The following RPS6KA2 variants were observed in gnomAD, a reference collection of about 807,000 sequenced individuals.
The protein encoded by RPS6KA2 is ribosomal protein S6 kinase A2.
RPS6KA2 carries 42 observed loss-of-function variants against 91.8 expected under a neutral mutation model. The observed-to-expected ratio is 0.46, with a 90% CI of 0.36 to 0.59. The LOEUF (loss-of-function observed/expected upper bound fraction) is 0.59. Ranked by LOEUF, RPS6KA2 falls within the 20% of genes least tolerant of loss-of-function variation. The pLI, the probability that RPS6KA2 is intolerant of heterozygous loss-of-function variation, is 0.00. For missense variants in RPS6KA2, 798 were observed against 978.5 expected, an observed-to-expected ratio of 0.82 and a Z score of 2.46; for synonymous variants, 414 against 393.6, an observed-to-expected ratio of 1.05 and a Z score of -0.61.
At chr6:166,569,353 G>A (rs1770596978) in intron 1 of RPS6KA2, among the ~76,000 whole-genome samples, 1 of 152,238 alleles carries the variant, frequency 6.6e-6, no homozygotes, top group Admixed American at 6.5e-5. Flanking sequence ...CGCTGTTCCT[G>A]CCCTGGCCGC....
chr6:166,440,488 T>C (rs1779485195), intron 14 of RPS6KA2: 1 of 152,230 alleles, frequency 6.6e-6, no homozygotes, highest in Non-Finnish European at 1.5e-5. Flanking sequence ...TGATTTTCCA[T>C]GTGAAAATAA....
intron 2 of RPS6KA2, among the ~76,000 whole-genome samples, chr6:166,802,099 TACACACAC>T (rs564126272): frequency 8.6e-5 from 13 of 151,190 alleles, no homozygotes; most frequent in Admixed American, 4.6e-4. Context: ...CTACTAAAAA[TACACACAC>T]ACACACAAAC....
At chr6:166,523,107 C>T (rs1176540153) in intron 3 of RPS6KA2, among the ~76,000 whole-genome samples, 4 of 152,118 alleles carry the variant, frequency 2.6e-5, no homozygotes, top group Admixed American at 2.0e-4. Flanking sequence ...TCAAGAAATG[C>T]AACTCTGGTA....
intron 2 of RPS6KA2, among the ~76,000 whole-genome samples, chr6:166,718,701 C>T (rs9295365): frequency 0.87 from 132,990 of 152,218 alleles, 58,208 homozygotes; most frequent in East Asian, 0.96. Flanking sequence ...AAATCTCACC[C>T]GCTGGTGTAA....
intron 10 of RPS6KA2, among the ~76,000 whole-genome samples, chr6:166,477,170 C>G (rs1204070430): frequency 2.0e-5 from 3 of 152,176 alleles, no homozygotes; most frequent in Non-Finnish European, 4.4e-5. Flanking sequence ...TTAATTCTGA[C>G]TGTAGCTTCT....
chr6:166,738,491 C>T (rs139700691), intron 2 of RPS6KA2, among the ~76,000 whole-genome samples: 2 of 152,252 alleles, frequency 1.3e-5, no homozygotes, highest in African/African-American at 2.4e-5. Flanking sequence ...GGACAAGGAC[C>T]GAGAATCAGG....
At chr6:166,606,251 G>A (rs1424851173) in intron 1 of RPS6KA2, among the ~76,000 whole-genome samples, 1 of 152,200 alleles carries the variant, frequency 6.6e-6, no homozygotes, top group Non-Finnish European at 1.5e-5. Context: ...GTGCTTGCAC[G>A]AGAGGTAAAA....
rs1786909252 is a variant in RPS6KA2, at chr6:166,627,008, G to A, written c.12C>T (p.Ser4=). 2.0e-6 allele frequency: 3 copies of A among 1,526,748 alleles called. No homozygotes were observed. Among genetic ancestry groups the A allele is most frequent in the African/African-American group, 1.4e-5 (1 of 70,300 alleles). The allele number at this position is 1,526,748 out of a possible 1,614,324, so 94.6% of individuals were successfully genotyped here. A position where few individuals can be genotyped will look rare whatever the true frequency, so the allele number is the denominator to read the frequency against. The change falls in exon 1 of 21, where the codon AGC becomes AGT. Residue 4 remains serine (S), a synonymous_variant. Transcript: ENST00000265678. ...ACCTGCGCACGGCGAACTTCTTCAT[G>A]CTCAGGTCCATCGCCCCGCGCCCAG... MDL[S]MKKFAVRRFF...
intron 2 of RPS6KA2, among the ~76,000 whole-genome samples, chr6:166,827,014 T>TA (rs1379273455): frequency 6.6e-6 from 1 of 151,904 alleles, no homozygotes; most frequent in Non-Finnish European, 1.5e-5. Flanking sequence ...TTAGTAAGGG[T>TA]AGGGAGGTGG....
chr6:166,710,681 C>T (rs1026172825), intron 2 of RPS6KA2, among the ~76,000 whole-genome samples: 1 of 152,126 alleles, frequency 6.6e-6, no homozygotes, highest in Non-Finnish European at 1.5e-5. Flanking sequence ...ATTCTTCCCA[C>T]TAAGTACAGT....
intron 1 of RPS6KA2, among the ~76,000 whole-genome samples, chr6:166,592,972 C>T (rs1785406070): frequency 6.6e-6 from 1 of 152,204 alleles, no homozygotes; most frequent in African/African-American, 2.4e-5. Flanking sequence ...ACAGTTCTCA[C>T]AGGAACAGGA....
chr6:166,830,125 C>CAA lies in RPS6KA2; in HGVS notation c.123+28073_123+28074dup, dbSNP rs34980248. On this transcript the variant is annotated intron_variant, in intron 2 of 21. Transcript: ENST00000503859. ...GGGCAACAAAAGCAAAACTCCATTTCAAAAAAAAAAAAAAAAGAAAGAAAG... is the reference window on the plus strand; with the variant it reads ...GGGCAACAAAAGCAAAACTCCATTTCAAAAAAAAAAAAAAAAAAGAAAGAAAG... 3.5e-3 allele frequency among the ~76,000 whole-genome samples: 353 copies of CAA among 99,552 alleles called. 5 individuals are homozygous for CAA. Among genetic ancestry groups the CAA allele is most frequent in the African/African-American group, 0.011 (252 of 23,584 alleles). 65.3% of individuals were successfully genotyped at this position (99,552 alleles called of 152,430 possible).
chr6:166,593,918 A>T (rs1785440908), intron 1 of RPS6KA2, among the ~76,000 whole-genome samples: 1 of 152,236 alleles, frequency 6.6e-6, no homozygotes, highest in African/African-American at 2.4e-5. Flanking sequence ...CTCAGGTAAC[A>T]CTATCACAAA....
rs113899578 is a variant in RPS6KA2 at position 166,802,227 on chromosome 6, G to A, written c.123+55973C>T. Among the ~76,000 whole-genome samples the A allele has an allele frequency of 4.9e-3, 732 of 150,404 alleles. 9 individuals are homozygous for A. The highest frequency in any genetic ancestry group is 0.017 in the African/African-American group (690 of 40,882). ...GGAGATTGCAGTGAGCTGACATCACGCCACTGCACTCCAGCCTGGGCAACA... is the reference window on the plus strand; with the variant it reads ...GGAGATTGCAGTGAGCTGACATCACACCACTGCACTCCAGCCTGGGCAACA... On this transcript the variant is annotated intron_variant, in intron 2 of 21. Coordinates refer to the RPS6KA2 transcript ENST00000503859.
At position 166,486,879 on chromosome 6, in the gene RPS6KA2, C is replaced by T. The variant is rs114304094; in HGVS notation, c.907+1954G>A. Reference sequence around the variant, plus strand: ...TCATCACGGGGTGGGGGTGGGGATGCGCTAAACAGCCTCAATGCATGGCGC... The same window carrying T: ...TCATCACGGGGTGGGGGTGGGGATGTGCTAAACAGCCTCAATGCATGGCGC... On this transcript the variant is annotated intron_variant, in intron 10 of 20. Transcript: ENST00000265678. 7.2e-3 allele frequency among the ~76,000 whole-genome samples: 1,092 copies of T among 152,182 alleles called. 14 individuals are homozygous for T. The highest frequency in any genetic ancestry group is 0.024 in the African/African-American group (1,004 of 41,494).
intron 6 of RPS6KA2, among the ~76,000 whole-genome samples, chr6:166,501,713 T>C (rs770219555): frequency 6.6e-6 from 1 of 152,232 alleles, no homozygotes; most frequent in Non-Finnish European, 1.5e-5. Context: ...TGTGATACCT[T>C]GACACACCTG....
At chr6:166,826,359 C>T (rs1329195153) in intron 2 of RPS6KA2, among the ~76,000 whole-genome samples, 4 of 152,218 alleles carry the variant, frequency 2.6e-5, no homozygotes, top group Non-Finnish European at 4.4e-5. Flanking sequence ...ATTGAAAGAG[C>T]CCTTTCCTTT....
rs1778366413 is a variant in RPS6KA2, at chr6:166,413,011, G to A, written c.2077-124C>T. 3 of 1,072,038 alleles carry A rather than the reference G, an allele frequency of 2.8e-6. No homozygotes were observed. The East Asian group carries it at 8.3e-5, about 30-fold the overall frequency. The allele number at this position is 1,072,038 out of a possible 1,614,324, so 66.4% of individuals were successfully genotyped here. A position where few individuals can be genotyped will look rare whatever the true frequency, so the allele number is the denominator to read the frequency against. ...GTGGGAGAAACCAGAGCTTCCCCAGGGTCCCTGGAGCATGGAGTGCTGTTA... is the reference window on the plus strand; with the variant it reads ...GTGGGAGAAACCAGAGCTTCCCCAGAGTCCCTGGAGCATGGAGTGCTGTTA... On this transcript the variant is annotated intron_variant, in intron 20 of 20. Transcript: ENST00000265678.
At chr6:166,785,364 T>C (rs539541902) in intron 2 of RPS6KA2, among the ~76,000 whole-genome samples, 1 of 152,368 alleles carries the variant, frequency 6.6e-6, no homozygotes, top group East Asian at 1.9e-4. Flanking sequence ...GGCTCCAGGT[T>C]TGAAAAGATG....
Sources: allele counts gnomAD v4.1 joint callset (sites outside exome capture counted in the v4.1 genomes callset), GRCh38; gene constraint gnomAD v4.1.1; transcripts MANE v1.5; gene names NCBI Gene and HGNC (gene_info 2026-07-23, HGNC 2026-07-21).